CERKL: variants seen among roughly 807,000 people sequenced by gnomAD.
CERKL encodes ceramide kinase-like protein.
Under a neutral mutation model 63.4 loss-of-function variants are expected in CERKL, and 61 were observed. The observed-to-expected ratio is 0.96, with a 90% CI of 0.78 to 1.19. The LOEUF is 1.19. Among genes scored for constraint, CERKL ranks in the 50% most tolerant of loss-of-function variants. The probability of loss-of-function intolerance (pLI) is 0.00; values close to 1 mark genes in which losing one functional copy is unlikely to be tolerated. For synonymous variants in CERKL, 250 were observed against 230.5 expected (o/e 1.08, Z -0.77); for missense variants, 675 against 655.5 (o/e 1.03, Z -0.33).
chr2:181,558,564 G>T lies in CERKL; in HGVS notation c.820+2C>A, dbSNP rs1328971667. 1 of 1,613,268 alleles carries T rather than the reference G, an allele frequency of 6.2e-7. No individual in the cohort carries two copies. The highest frequency in any genetic ancestry group is 8.5e-7 in the Non-Finnish European group (1 of 1,179,680). On this transcript the variant is annotated splice_donor_variant, in intron 5 of 12. Coordinates refer to ENST00000410087, the MANE Select transcript of CERKL (RefSeq NM_201548.5). LOFTEE classifies it high-confidence loss of function. This position sits in a 1 kb window ranked among gnomAD's most constrained non-coding sequence, Gnocchi z 4.2. ...TTAATGAATCTGTAGCCACTCCCTT[G>T]CCTGCTGGTATTAAGCCAAGTGGAA...
Position 181,573,807 on chromosome 2 carries a change from A to T in CERKL, c.559T>A (p.Tyr187Asn), listed in dbSNP as rs766967215. ...SHKKEATQVY[Y>N]EKVEPLLKLA... ...TTCAACAGAGGTTCAACCTTCTCAT[A>T]ATAAACCTGGGTAGCTTCTTTTTTG... Residue 187 changes from tyrosine to asparagine, a missense_variant, in exon 3 of 13, where the codon TAT (tyrosine) becomes AAT (asparagine). Coordinates refer to ENST00000410087, the MANE Select transcript of CERKL (RefSeq NM_201548.5). 4 of 1,612,272 alleles carry T rather than the reference A, an allele frequency of 2.5e-6. No individual in the cohort carries two copies. In the East Asian group the frequency reaches 8.9e-5, roughly 36 times the overall value.
intron 1 of CERKL, among the ~76,000 whole-genome samples, chr2:181,649,425 A>G (rs1317548300): frequency 2.6e-5 from 4 of 152,224 alleles, no homozygotes; most frequent in Non-Finnish European, 5.9e-5. Context: ...ACCTAAAGAG[A>G]TAAACTCCAA....
chr2:181,552,397 T>G (rs1396721537), intron 5 of CERKL, among the ~76,000 whole-genome samples: 3 of 152,086 alleles, frequency 2.0e-5, no homozygotes, highest in East Asian at 3.9e-4. Flanking sequence ...TGAGTTCTCA[T>G]GAGATCTGAT....
At chr2:181,633,745 A>C (rs1210418494) in intron 1 of CERKL, among the ~76,000 whole-genome samples, 5 of 152,198 alleles carry the variant, frequency 3.3e-5, no homozygotes, top group Non-Finnish European at 7.4e-5. Flanking sequence ...TCCTAACTAC[A>C]ATAGAATGAG....
chr2:181,589,147 T>C (rs1183778678), intron 2 of CERKL, among the ~76,000 whole-genome samples: 1 of 152,136 alleles, frequency 6.6e-6, no homozygotes, highest in Non-Finnish European at 1.5e-5. Context: ...TTAAAAATGA[T>C]TGCCAGACTT....
At chr2:181,616,370 T>G (rs918260267) in intron 1 of CERKL, among the ~76,000 whole-genome samples, 1 of 151,990 alleles carries the variant, frequency 6.6e-6, no homozygotes, top group African/African-American at 2.4e-5. Context: ...CTCGCCACCA[T>G]GCCCGGCTAA....
chr2:181,650,587 C>T (rs1687886158), intron 1 of CERKL, among the ~76,000 whole-genome samples: 2 of 151,968 alleles, frequency 1.3e-5, no homozygotes, highest in Admixed American at 1.3e-4. Context: ...GGAGAAACCC[C>T]GTCTCTACTA....
chr2:181,590,011 G>A (rs772065850), intron 2 of CERKL, among the ~76,000 whole-genome samples: 1 of 151,566 alleles, frequency 6.6e-6, no homozygotes. Flanking sequence ...GTAGAGAGAG[G>A]TTTTTCCCAT....
Position 181,604,095 on chromosome 2 carries a change from A to G in CERKL, c.239-16T>C. The G allele has an allele frequency of 1.9e-6, 3 of 1,576,058 alleles. No homozygotes were observed. The highest frequency in any genetic ancestry group is 2.6e-6 in the Non-Finnish European group (3 of 1,150,310). On this transcript the variant is annotated splice_polypyrimidine_tract_variant and intron_variant, in intron 1 of 12. Coordinates refer to ENST00000410087, the MANE Select transcript of CERKL (RefSeq NM_201548.5). ...TTAGAATCACCTGAAAAAAAAATAA[A>G]TTTTCCAATTAAAACCATTGTGTTT...
intron 1 of CERKL, among the ~76,000 whole-genome samples, chr2:181,646,303 A>T (rs1687668562): frequency 6.6e-6 from 1 of 152,214 alleles, no homozygotes; most frequent in South Asian, 2.1e-4. Context: ...CAAAATATTC[A>T]CTACTTACAT....
Position 181,548,824 on chromosome 2 carries a change from C to A in CERKL, c.929G>T (p.Ser310Ile). 6.2e-7 allele frequency: 1 copy of A among 1,614,036 alleles called. No homozygotes were observed. The highest frequency in any genetic ancestry group is 8.5e-7 in the Non-Finnish European group (1 of 1,179,954). The change falls in exon 7 of 13, where the codon AGC becomes ATC. Residue 310 changes from serine to isoleucine, a missense_variant. Transcript: ENST00000410087. Reference sequence around the variant, plus strand: ...AAAGCGAAGAAGCTTGCCAGCGGTGCTGAAGGTGCAGACGTCGACCAGCTG... The same window carrying A: ...AAAGCGAAGAAGCTTGCCAGCGGTGATGAAGGTGCAGACGTCGACCAGCTG... Reference protein sequence around the residue: ...HVQLVDVCTFSTAGKLLRFGF... With the variant: ...HVQLVDVCTFITAGKLLRFGF...
At chr2:181,609,871 G>A (rs945422736) in intron 1 of CERKL, among the ~76,000 whole-genome samples, 6 of 152,056 alleles carry the variant, frequency 3.9e-5, no homozygotes, top group Admixed American at 6.6e-5. Context: ...TCTAAGCGCC[G>A]CTAGAAATAG....
At chr2:181,639,892 A>C (rs1442934168) in intron 1 of CERKL, among the ~76,000 whole-genome samples, 1 of 152,212 alleles carries the variant, frequency 6.6e-6, no homozygotes, top group Non-Finnish European at 1.5e-5. Flanking sequence ...CTAAGTGTTC[A>C]CTATTTTCAG....
intron 2 of CERKL, among the ~76,000 whole-genome samples, chr2:181,597,966 C>T (rs183779598): frequency 7.3e-4 from 111 of 152,298 alleles, no homozygotes; most frequent in Admixed American, 3.7e-3. Context: ...CAGTGCCAAT[C>T]GCTAAAGGGG....
intron 1 of CERKL, among the ~76,000 whole-genome samples, chr2:181,640,887 GA>G (rs374731141): frequency 3.1e-4 from 47 of 152,312 alleles, no homozygotes; most frequent in African/African-American, 1.1e-3. Context: ...ACTCCTAGGG[GA>G]ATAGTTCTGT....
At chr2:181,593,084 C>G (rs1559094442) in intron 2 of CERKL, among the ~76,000 whole-genome samples, 1 of 152,090 alleles carries the variant, frequency 6.6e-6, no homozygotes, top group Non-Finnish European at 1.5e-5. Context: ...CACATTTAAG[C>G]ATCTCAGTAA....
chr2:181,601,150 T>C (rs1218381039), intron 2 of CERKL, among the ~76,000 whole-genome samples: 1 of 151,890 alleles, frequency 6.6e-6, no homozygotes, highest in Non-Finnish European at 1.5e-5. Context: ...AACATGAAAA[T>C]TGAAACACAA....
chr2:181,556,323 A>C (rs920155613), intron 5 of CERKL, among the ~76,000 whole-genome samples: 5 of 151,954 alleles, frequency 3.3e-5, no homozygotes, highest in African/African-American at 2.4e-5. Context: ...TACATGTGCC[A>C]TGTTGGTGTG....
chr2:181,579,441 C>A (rs1051828934), intron 2 of CERKL, among the ~76,000 whole-genome samples: 1 of 151,844 alleles, frequency 6.6e-6, no homozygotes, highest in African/African-American at 2.4e-5. Flanking sequence ...CATGAACTTT[C>A]TATGTATGTC....
Sources: allele counts gnomAD v4.1 joint callset (sites outside exome capture counted in the v4.1 genomes callset), GRCh38; gene constraint gnomAD v4.1.1; non-coding constraint Gnocchi (gnomAD v3.1); transcripts MANE v1.5; gene names NCBI Gene and HGNC (gene_info 2026-07-23, HGNC 2026-07-21).